The following GPC5 variants were observed in gnomAD, a reference collection of about 807,000 sequenced individuals.
The protein encoded by GPC5 is glypican 5, also known as glypican-5.
A neutral mutation model predicts 53.9 loss-of-function variants in GPC5; 47 were observed. That is an observed-to-expected ratio of 0.87 (90% CI 0.69 to 1.11). The LOEUF is 1.11. Ranked by LOEUF, GPC5 falls within the 50% of genes most tolerant of loss-of-function variation. The pLI, the probability that GPC5 is intolerant of heterozygous loss-of-function variation, is 0.00. For missense variants in GPC5, 748 were observed against 713.1 expected, an observed-to-expected ratio of 1.05 and a Z score of -0.56; for synonymous variants, 286 against 263.3, an observed-to-expected ratio of 1.09 and a Z score of -0.84.
At chr13:91,936,828 C>G (rs1594674125) in intron 6 of GPC5, among the ~76,000 whole-genome samples, 1 of 152,014 alleles carries the variant, frequency 6.6e-6, no homozygotes, top group Non-Finnish European at 1.5e-5. Flanking sequence ...GAGCCATCTA[C>G]TAAGCAGCTG....
chr13:92,401,520 G>A (rs547192338), intron 7 of GPC5, among the ~76,000 whole-genome samples: 21 of 151,974 alleles, frequency 1.4e-4, no homozygotes, highest in Middle Eastern at 3.4e-3. Context: ...TATAAAATTC[G>A]TAAAAATAGA....
intron 7 of GPC5, among the ~76,000 whole-genome samples, chr13:92,427,152 A>G (rs1383702367): frequency 1.3e-5 from 2 of 151,710 alleles, no homozygotes; most frequent in Non-Finnish European, 2.9e-5. Flanking sequence ...TGGAGAAGAC[A>G]CTGGTTGTGT....
chr13:92,375,464 A>T (rs994149850), intron 7 of GPC5, among the ~76,000 whole-genome samples: 8 of 152,226 alleles, frequency 5.3e-5, no homozygotes, highest in Non-Finnish European at 8.8e-5. Flanking sequence ...TTAAAAATAG[A>T]CATACAATAA....
intron 5 of GPC5, among the ~76,000 whole-genome samples, chr13:91,873,994 T>G (rs891604332): frequency 3.9e-5 from 6 of 152,202 alleles, no homozygotes; most frequent in South Asian, 2.1e-4. Context: ...GGCAAGTTAT[T>G]GAATGTCTCT....
intron 7 of GPC5, among the ~76,000 whole-genome samples, chr13:92,655,950 T>C (rs1267339394): frequency 6.6e-6 from 1 of 152,194 alleles, no homozygotes; most frequent in East Asian, 1.9e-4. Flanking sequence ...GCAAACACTG[T>C]ATTAGGTTCT....
intron 5 of GPC5, among the ~76,000 whole-genome samples, chr13:91,880,357 A>G (rs1190088569): frequency 2.0e-5 from 3 of 151,864 alleles, no homozygotes. Context: ...TTTCCGTATT[A>G]TGGGCTATTT....
At chr13:92,667,488 G>A (rs1419651955) in intron 7 of GPC5, among the ~76,000 whole-genome samples, 1 of 152,146 alleles carries the variant, frequency 6.6e-6, no homozygotes, top group Non-Finnish European at 1.5e-5. Context: ...ACTGTAAGGA[G>A]TAAAAGATTG....
rs116979235 is a variant in GPC5, at chr13:92,155,593, C to A, written c.1561+10604C>A. ...TTTTCGTTTGTTGAATTTTCTTTATCTTCAGCTTTTTCCTCAACCTTTTTG... is the reference window on the plus strand; with the variant it reads ...TTTTCGTTTGTTGAATTTTCTTTATATTCAGCTTTTTCCTCAACCTTTTTG... On this transcript the variant is annotated intron_variant, in intron 7 of 7. Coordinates refer to ENST00000377067, the MANE Select transcript of GPC5 (RefSeq NM_004466.6). Among the ~76,000 whole-genome samples the A allele has an allele frequency of 6.6e-3, 1,003 of 152,168 alleles. 8 individuals carry two copies. The highest frequency in any genetic ancestry group is 8.8e-3 in the Admixed American group (135 of 15,288).
At chr13:91,689,601 T>C (rs1011972875) in intron 2 of GPC5, among the ~76,000 whole-genome samples, 1 of 151,464 alleles carries the variant, frequency 6.6e-6, no homozygotes, top group Admixed American at 6.6e-5. Context: ...ATAAGCTTTT[T>C]TTTTCTATTT....
chr13:92,124,305 A>G (rs2041676816), intron 6 of GPC5, among the ~76,000 whole-genome samples: 1 of 151,436 alleles, frequency 6.6e-6, no homozygotes, highest in African/African-American at 2.4e-5. Context: ...TTGAGCTCCA[A>G]CTAGGAAAAA....
chr13:91,913,291 A>G (rs1366997759), intron 6 of GPC5, among the ~76,000 whole-genome samples: 1 of 151,468 alleles, frequency 6.6e-6, no homozygotes, highest in East Asian at 1.9e-4. Context: ...CCCAGCTACT[A>G]GGGAGGCTGA....
chr13:91,911,891 G>A (rs1169235321), intron 6 of GPC5, among the ~76,000 whole-genome samples: 7 of 152,152 alleles, frequency 4.6e-5, no homozygotes, highest in Non-Finnish European at 8.8e-5. Context: ...AGTAGGTCTG[G>A]CGGAGGGTTC....
At chr13:91,952,036 A>G (rs114648681) in intron 6 of GPC5, among the ~76,000 whole-genome samples, 64 of 152,300 alleles carry the variant, frequency 4.2e-4, no homozygotes, top group African/African-American at 1.5e-3. Flanking sequence ...TTTGATTTGA[A>G]TAATTTTAAG....
At chr13:92,435,208 C>G (rs1361951272) in intron 7 of GPC5, among the ~76,000 whole-genome samples, 1 of 152,182 alleles carries the variant, frequency 6.6e-6, no homozygotes, top group African/African-American at 2.4e-5. Flanking sequence ...AGCCACTGCA[C>G]CCAGCAGTCC....
intron 5 of GPC5, among the ~76,000 whole-genome samples, chr13:91,841,913 A>G (rs1437753761): frequency 6.6e-6 from 1 of 152,202 alleles, no homozygotes. Context: ...TGGACTTAGT[A>G]GTGATTCACA....
At chr13:92,490,283 A>T (rs1418653062) in intron 7 of GPC5, 2 of 153,766 alleles carry the variant, frequency 1.3e-5, no homozygotes, top group Middle Eastern at 1.6e-3. Flanking sequence ...TTGTATTATT[A>T]TATCTATTTT....
chr13:92,104,936 A>G (rs1594764971), intron 6 of GPC5, among the ~76,000 whole-genome samples: 1 of 152,158 alleles, frequency 6.6e-6, no homozygotes, highest in East Asian at 1.9e-4. Flanking sequence ...AAACATGGAC[A>G]TGTTGAGAAA....
At chr13:92,026,037 G>A (rs1336296104) in intron 6 of GPC5, among the ~76,000 whole-genome samples, 1 of 152,056 alleles carries the variant, frequency 6.6e-6, no homozygotes, top group African/African-American at 2.4e-5. Flanking sequence ...TACTTCCACA[G>A]CACTTCCGAG....
At chr13:92,410,058 GC>G (rs1875975242) in intron 7 of GPC5, among the ~76,000 whole-genome samples, 1 of 152,112 alleles carries the variant, frequency 6.6e-6, no homozygotes, top group African/African-American at 2.4e-5. Flanking sequence ...TTGATATATC[GC>G]AATGATTCAT....
Sources: allele counts gnomAD v4.1 joint callset (sites outside exome capture counted in the v4.1 genomes callset), GRCh38; gene constraint gnomAD v4.1.1; transcripts MANE v1.5; gene names NCBI Gene and HGNC (gene_info 2026-07-23, HGNC 2026-07-21).